The following CRYL1 variants were observed in gnomAD, a reference collection of about 807,000 sequenced individuals.
CRYL1 encodes crystallin lambda 1.
Under a neutral mutation model 36.6 loss-of-function variants are expected in CRYL1, and 29 were observed. The observed-to-expected ratio is 0.79, with a 90% CI of 0.59 to 1.08. The LOEUF (loss-of-function observed/expected upper bound fraction) is 1.08. Ranked by LOEUF, CRYL1 falls within the 50% of genes least tolerant of loss-of-function variation. The probability of loss-of-function intolerance (pLI) is 0.00; values close to 1 mark genes in which losing one functional copy is unlikely to be tolerated. For missense variants in CRYL1, 411 were observed against 407.9 expected (o/e 1.01, Z -0.06); for synonymous variants, 152 against 151.5 (o/e 1.00, Z -0.02).
At chr13:20,430,261 C>T (rs558188794) in intron 5 of CRYL1, 2 of 985,166 alleles carry the variant, frequency 2.0e-6, no homozygotes, top group African/African-American at 1.7e-5. Context: ...CTTAATTTCC[C>T]ATTTCTCTTG....
At chr13:20,520,637 G>A (rs1446536997) in intron 1 of CRYL1, among the ~76,000 whole-genome samples, 1 of 152,116 alleles carries the variant, frequency 6.6e-6, no homozygotes, top group Non-Finnish European at 1.5e-5. Context: ...GCTGACCCCT[G>A]GGGACCAGCT....
intron 4 of CRYL1, 64 bp from the exon 5 acceptor site, chr13:20,432,360 A>G: frequency 8.0e-7 from 1 of 1,249,002 alleles, no homozygotes; most frequent in Non-Finnish European, 1.1e-6. Flanking sequence ...AACTGCACCC[A>G]CCCTGAATGG....
intron 1 of CRYL1, among the ~76,000 whole-genome samples, chr13:20,519,940 T>C (rs1354824639): frequency 1.3e-5 from 2 of 152,244 alleles, no homozygotes; most frequent in African/African-American, 4.8e-5. Context: ...TGTGGTTATA[T>C]AGTTTTAAAA....
rs1359108963 is a variant in CRYL1 at position 20,435,975 on chromosome 13, C to G, written c.438+3618G>C. ...GGGAGGGCTCAAAGGCAGCTCGGAG[C>G]GGCCGCAGGGCCGTGCAGATGTGCA... On this transcript the variant is annotated intron_variant, in intron 4 of 7. Transcript: ENST00000298248. This position sits in a 1 kb window ranked among gnomAD's most constrained non-coding sequence, Gnocchi z 4.0. Among the ~76,000 whole-genome samples, 1 of 152,208 alleles carries G rather than the reference C, an allele frequency of 6.6e-6. No homozygotes were observed. Among genetic ancestry groups the G allele is most frequent in the East Asian group, 1.9e-4 (1 of 5,182 alleles).
At chr13:20,470,677 G>A (rs1428623170) in intron 3 of CRYL1, among the ~76,000 whole-genome samples, 1 of 152,094 alleles carries the variant, frequency 6.6e-6, no homozygotes, top group African/African-American at 2.4e-5. Flanking sequence ...GGGAGGCCGA[G>A]GCAGGTGGAT....
chr13:20,412,685 C>G (rs2031554498), intron 6 of CRYL1, among the ~76,000 whole-genome samples: 1 of 152,152 alleles, frequency 6.6e-6, no homozygotes, highest in Non-Finnish European at 1.5e-5. Context: ...AGTCGTCTTT[C>G]CTTTAGAGTT....
chr13:20,489,882 A>G (rs1181563869), intron 2 of CRYL1, among the ~76,000 whole-genome samples: 1 of 152,246 alleles, frequency 6.6e-6, no homozygotes, highest in East Asian at 1.9e-4. Flanking sequence ...GCCAGGAGCT[A>G]GAAGCAACCT....
At chr13:20,512,753 C>A (rs2033937469) in intron 1 of CRYL1, among the ~76,000 whole-genome samples, 1 of 152,052 alleles carries the variant, frequency 6.6e-6, no homozygotes, top group South Asian at 2.1e-4. Flanking sequence ...AAACATTGAT[C>A]TGATGAAGGT....
chr13:20,460,556 C>T (rs528020713), intron 3 of CRYL1, among the ~76,000 whole-genome samples: 2,134 of 126,228 alleles, frequency 0.017, 87 homozygotes, highest in African/African-American at 0.063. Flanking sequence ...GACGGAGTCT[C>T]GCTCTGTCGC....
At chr13:20,483,415 C>A (rs1451642980) in intron 3 of CRYL1, among the ~76,000 whole-genome samples, 2 of 152,050 alleles carry the variant, frequency 1.3e-5, no homozygotes, top group Non-Finnish European at 2.9e-5. Context: ...CTGCAAGCTC[C>A]GCCTCCTGGG....
chr13:20,463,325 T>G (rs1424675196), intron 3 of CRYL1, among the ~76,000 whole-genome samples: 2 of 152,206 alleles, frequency 1.3e-5, no homozygotes, highest in Non-Finnish European at 2.9e-5. Flanking sequence ...TGTCTTACCT[T>G]GAAAACACAG....
chr13:20,454,252 T>A (rs1329647573), intron 3 of CRYL1, among the ~76,000 whole-genome samples: 1 of 152,140 alleles, frequency 6.6e-6, no homozygotes, highest in Non-Finnish European at 1.5e-5. Flanking sequence ...GGATAGTGCG[T>A]TATGACCAAC....
chr13:20,479,268 C>T (rs190518855), intron 3 of CRYL1, among the ~76,000 whole-genome samples: 4 of 152,322 alleles, frequency 2.6e-5, no homozygotes, highest in African/African-American at 9.6e-5. Context: ...GCAGACCCAA[C>T]ACTGGCAAGC....
chr13:20,457,281 C>T (rs2032712523), intron 3 of CRYL1, among the ~76,000 whole-genome samples: 1 of 152,118 alleles, frequency 6.6e-6, no homozygotes, highest in Admixed American at 6.5e-5. Flanking sequence ...GAAGTTAATC[C>T]CTTATTACCA....
chr13:20,419,574 G>A (rs2031751559), intron 5 of CRYL1, among the ~76,000 whole-genome samples: 1 of 152,080 alleles, frequency 6.6e-6, no homozygotes, highest in Admixed American at 6.5e-5. Flanking sequence ...TTACAGGTGT[G>A]AGCCACCACA....
chr13:20,472,390 C>A (rs2033078571), intron 3 of CRYL1, among the ~76,000 whole-genome samples: 1 of 152,142 alleles, frequency 6.6e-6, no homozygotes, highest in South Asian at 2.1e-4. Flanking sequence ...TTGGCTGAAT[C>A]CACGATGCAG....
intron 2 of CRYL1, among the ~76,000 whole-genome samples, chr13:20,494,440 G>T (rs1459543719): frequency 6.6e-6 from 1 of 152,110 alleles, no homozygotes; most frequent in African/African-American, 2.4e-5. Context: ...AAACCTAAAT[G>T]AATCTCTTAG....
chr13:20,466,041 G>A (rs1042061844), intron 3 of CRYL1, among the ~76,000 whole-genome samples: 3 of 151,872 alleles, frequency 2.0e-5, no homozygotes, highest in African/African-American at 7.3e-5. Flanking sequence ...CCATGGGTGG[G>A]AGCAGCCTAA....
At chr13:20,414,492 C>CG (rs1488017638) in intron 5 of CRYL1, among the ~76,000 whole-genome samples, 7 of 152,202 alleles carry the variant, frequency 4.6e-5, no homozygotes, top group East Asian at 1.9e-4. Context: ...GCCTAGGACC[C>CG]AGGGGGGAGT....
Sources: gnomAD v4.1 joint callset for allele counts (sites outside exome capture counted in the v4.1 genomes callset) on GRCh38, gnomAD v4.1.1 for gene constraint, Gnocchi (gnomAD v3.1) non-coding constraint, MANE v1.5 for transcripts, NCBI Gene and HGNC (gene_info 2026-07-23, HGNC 2026-07-21) for gene names.